Variants in CADM2 observed in about 807,000 individuals in gnomAD.
CADM2 encodes immunoglobulin superfamily member 4D.
In CADM2, 12 loss-of-function variants were observed where a neutral mutation model predicts 49.8. That is an observed-to-expected ratio of 0.24 (90% CI 0.15 to 0.39). CADM2 has a LOEUF of 0.39. CADM2 is among the 10% of genes least tolerant of loss of function. The probability of loss-of-function intolerance (pLI) is 1.00; values close to 1 mark genes in which losing one functional copy is unlikely to be tolerated. For synonymous variants in CADM2, 214 were observed against 175.4 expected, an observed-to-expected ratio of 1.22 and a Z score of -1.74; for missense variants, 378 against 492.3, an observed-to-expected ratio of 0.77 and a Z score of 2.20.
At chr3:85,404,915 A>G (rs2035298945) in intron 1 of CADM2, among the ~76,000 whole-genome samples, 1 of 152,184 alleles carries the variant, frequency 6.6e-6, no homozygotes, top group African/African-American at 2.4e-5. Flanking sequence ...AAGTGATGAA[A>G]AGAGTTTAGC....
intron 8 of CADM2, among the ~76,000 whole-genome samples, chr3:85,963,261 C>T (rs564898745): frequency 6.6e-6 from 1 of 152,000 alleles, no homozygotes; most frequent in East Asian, 2.0e-4. Context: ...GAATTTCTAG[C>T]ACTTCATGAA....
chr3:85,690,128 C>T (rs1410010749), intron 1 of CADM2, among the ~76,000 whole-genome samples: 1 of 152,150 alleles, frequency 6.6e-6, no homozygotes, highest in Non-Finnish European at 1.5e-5. Context: ...GTACAGCCTT[C>T]TCCGAGTTGG....
chr3:85,241,936 CTCTTT>C (rs1349055108), intron 1 of CADM2, among the ~76,000 whole-genome samples: 2 of 151,452 alleles, frequency 1.3e-5, no homozygotes, highest in African/African-American at 4.8e-5. Context: ...TTCTATGGCT[CTCTTT>C]TGAGAGTCGT....
chr3:85,195,447 T>C (rs889416858), intron 1 of CADM2, among the ~76,000 whole-genome samples: 1 of 151,930 alleles, frequency 6.6e-6, no homozygotes, highest in Non-Finnish European at 1.5e-5. Context: ...GTGTCTCCCA[T>C]GTAAGCTATG....
chr3:85,369,424 G>A (rs1405403957), intron 1 of CADM2, among the ~76,000 whole-genome samples: 1 of 152,150 alleles, frequency 6.6e-6, no homozygotes, highest in African/African-American at 2.4e-5. Context: ...CCTGAGGTCA[G>A]GAGTTTGAGA....
intron 6 of CADM2, among the ~76,000 whole-genome samples, chr3:85,927,518 A>T (rs1720030488): frequency 6.6e-6 from 1 of 152,192 alleles, no homozygotes; most frequent in African/African-American, 2.4e-5. Context: ...TGTCTTAGGA[A>T]CTATGTAAGT....
At chr3:85,590,961 A>C (rs563877623) in intron 1 of CADM2, among the ~76,000 whole-genome samples, 4 of 149,638 alleles carry the variant, frequency 2.7e-5, no homozygotes, top group Non-Finnish European at 5.9e-5. Context: ...TTTTTGGTTA[A>C]TTGGTTGATT....
chr3:85,920,231 T>G (rs1228411455), intron 6 of CADM2, among the ~76,000 whole-genome samples: 1 of 151,886 alleles, frequency 6.6e-6, no homozygotes, highest in Non-Finnish European at 1.5e-5. Flanking sequence ...ATCTCATTTA[T>G]GAAATGCTAA....
chr3:85,762,682 G>T (rs1290549073), intron 2 of CADM2, among the ~76,000 whole-genome samples: 1 of 149,280 alleles, frequency 6.7e-6, no homozygotes, highest in Non-Finnish European at 1.5e-5. Flanking sequence ...TACCATAAAG[G>T]CATAAATAAT....
In CADM2 at chr3:85,362,670, G is replaced by A. The variant is rs188961338; in HGVS notation, c.62-363852G>A. Among the ~76,000 whole-genome samples the A allele has an allele frequency of 4.0e-3, 616 of 152,244 alleles. 4 individuals are homozygous for A. The highest frequency in any genetic ancestry group is 0.013 in the African/African-American group (529 of 41,536). ...CTTCAGGATCTTGGTGAATGGGGGA[G>A]CAAGTTTCAACTTGTGCTCCCATTT... On this transcript the variant is annotated intron_variant, in intron 1 of 9. Coordinates refer to ENST00000383699, the MANE Select transcript of CADM2 (RefSeq NM_001167675.2).
chr3:85,265,452 A>C (rs2043102573), intron 1 of CADM2, among the ~76,000 whole-genome samples: 1 of 151,958 alleles, frequency 6.6e-6, no homozygotes, highest in Admixed American at 6.6e-5. Flanking sequence ...TTGTTGTGTT[A>C]TTCTATGGTG....
At chr3:85,808,791 A>G (rs1163798950) in intron 3 of CADM2, among the ~76,000 whole-genome samples, 1 of 152,218 alleles carries the variant, frequency 6.6e-6, no homozygotes, top group Non-Finnish European at 1.5e-5. Flanking sequence ...GCTTTAAATC[A>G]TTGGTGTTAA....
At chr3:85,130,605 T>C (rs1207382238) in intron 1 of CADM2, among the ~76,000 whole-genome samples, 1 of 152,220 alleles carries the variant, frequency 6.6e-6, no homozygotes, top group Non-Finnish European at 1.5e-5. Context: ...AGTTTCCCTG[T>C]ATAAAATAAT....
At chr3:85,725,570 A>G (rs2067665903) in intron 1 of CADM2, among the ~76,000 whole-genome samples, 1 of 152,034 alleles carries the variant, frequency 6.6e-6, no homozygotes, top group African/African-American at 2.4e-5. Context: ...CTTCAGAAGT[A>G]TTTAGAGGTA....
chr3:85,988,730 G>C (rs1728415194), intron 8 of CADM2, among the ~76,000 whole-genome samples: 1 of 152,146 alleles, frequency 6.6e-6, no homozygotes, highest in African/African-American at 2.4e-5. Context: ...AGAGAATTCT[G>C]TTCAAATGGT....
At chr3:85,901,563 C>G (rs368870617) in intron 5 of CADM2, among the ~76,000 whole-genome samples, 18 of 152,166 alleles carry the variant, frequency 1.2e-4, no homozygotes, top group African/African-American at 4.3e-4. Context: ...CAATCAGTAA[C>G]TCTAAATTTA....
intron 1 of CADM2, among the ~76,000 whole-genome samples, chr3:85,349,405 T>C (rs1278686828): frequency 6.6e-6 from 1 of 152,188 alleles, no homozygotes; most frequent in Non-Finnish European, 1.5e-5. Flanking sequence ...TTTCAGGGTA[T>C]TATTGTTCAT....
At chr3:85,656,778 T>G (rs954469901) in intron 1 of CADM2, among the ~76,000 whole-genome samples, 54 of 152,212 alleles carry the variant, frequency 3.5e-4, no homozygotes, top group African/African-American at 1.3e-3. Flanking sequence ...ATATCTTTAC[T>G]AAATCAGTCA....
intron 1 of CADM2, among the ~76,000 whole-genome samples, chr3:85,634,455 T>G (rs2064400417): frequency 6.6e-6 from 1 of 152,048 alleles, no homozygotes; most frequent in Admixed American, 6.6e-5. Flanking sequence ...TATATATAAT[T>G]GAACCTAATT....
Sources: allele counts gnomAD v4.1 joint callset (sites outside exome capture counted in the v4.1 genomes callset), GRCh38; gene constraint gnomAD v4.1.1; transcripts MANE v1.5; gene names NCBI Gene and HGNC (gene_info 2026-07-23, HGNC 2026-07-21).